Variants in PKIA observed in about 807,000 individuals in gnomAD.
The protein encoded by PKIA is PKI-alpha.
In PKIA, 4 loss-of-function variants were observed where a neutral mutation model predicts 7.6. That is an observed-to-expected ratio of 0.52 (90% CI 0.26 to 1.20). The LOEUF (loss-of-function observed/expected upper bound fraction) is 1.20, where lower values mean the gene tolerates loss of function less well. Ranked by LOEUF, PKIA falls within the 50% of genes most tolerant of loss-of-function variation. PKIA has a pLI of 0.13. For synonymous variants in PKIA, 21 were observed against 30.7 expected (o/e 0.68, Z 1.04); for missense variants, 73 against 86.2 (o/e 0.85, Z 0.61).
intron 2 of PKIA, among the ~76,000 whole-genome samples, chr8:78,581,468 A>C (rs980887329): frequency 1.3e-5 from 2 of 152,098 alleles, no homozygotes; most frequent in African/African-American, 2.4e-5. Context: ...ACTGGGTGGC[A>C]CCTTTTAATC....
chr8:78,534,585 T>C (rs1247299557), intron 1 of PKIA: 3 of 152,112 alleles, frequency 2.0e-5, no homozygotes, highest in Non-Finnish European at 4.4e-5. Context: ...TCACATATAC[T>C]ATTCCAGGTA....
intron 1 of PKIA, among the ~76,000 whole-genome samples, chr8:78,549,396 CG>C (rs949709851): frequency 5.3e-4 from 80 of 151,910 alleles, no homozygotes; most frequent in Middle Eastern, 3.4e-3. Flanking sequence ...GCAAGATGAA[CG>C]TTTTTTTAAC....
chr8:78,546,039 CTGACCTAGCTCA>C (rs1453633466), intron 1 of PKIA, among the ~76,000 whole-genome samples: 1 of 152,192 alleles, frequency 6.6e-6, no homozygotes, highest in Non-Finnish European at 1.5e-5. Flanking sequence ...TTTACAAAAT[CTGACCTAGCTCA>C]CTAGCCACAG....
chr8:78,590,525 C>G (rs898243020), intron 2 of PKIA, among the ~76,000 whole-genome samples: 4 of 151,960 alleles, frequency 2.6e-5, no homozygotes, highest in African/African-American at 9.7e-5. Context: ...ACTAAAACAA[C>G]ATGTTAAGAG....
intron 1 of PKIA, among the ~76,000 whole-genome samples, chr8:78,532,558 T>C (rs113460315): frequency 7.9e-5 from 12 of 151,328 alleles, no homozygotes; most frequent in African/African-American, 2.7e-4. Context: ...CAGATTTAAT[T>C]GAACATTCAC....
intron 1 of PKIA, among the ~76,000 whole-genome samples, chr8:78,531,147 T>C (rs1211514932): frequency 6.6e-6 from 1 of 152,128 alleles, no homozygotes; most frequent in Non-Finnish European, 1.5e-5. Flanking sequence ...CTGTATGAAT[T>C]TTCAGCGGAG....
At chr8:78,547,093 A>G (rs1806841765) in intron 1 of PKIA, among the ~76,000 whole-genome samples, 1 of 151,924 alleles carries the variant, frequency 6.6e-6, no homozygotes, top group Non-Finnish European at 1.5e-5. Flanking sequence ...AAAAACAAAA[A>G]CAGTTTTGTT....
At chr8:78,588,270 C>G (rs187893361) in intron 2 of PKIA, among the ~76,000 whole-genome samples, 1 of 151,960 alleles carries the variant, frequency 6.6e-6, no homozygotes, top group African/African-American at 2.4e-5. Flanking sequence ...CACCTGAGGT[C>G]GGGAGTTTGA....
chr8:78,582,224 T>G (rs1268694136), intron 2 of PKIA, among the ~76,000 whole-genome samples: 1 of 151,518 alleles, frequency 6.6e-6, no homozygotes, highest in Non-Finnish European at 1.5e-5. Flanking sequence ...GATGTTTGTA[T>G]TAGTCCATTC....
intron 1 of PKIA, among the ~76,000 whole-genome samples, chr8:78,559,326 G>T (rs1241653869): frequency 6.6e-6 from 1 of 152,156 alleles, no homozygotes; most frequent in East Asian, 1.9e-4. Flanking sequence ...AGTGGAAAGG[G>T]GTTCCTGGGG....
chr8:78,596,724 T>C (rs1808233811), intron 2 of PKIA, among the ~76,000 whole-genome samples: 1 of 152,208 alleles, frequency 6.6e-6, no homozygotes, highest in African/African-American at 2.4e-5. Context: ...TTGGAGTCTT[T>C]GACATAAATT....
At chr8:78,554,053 A>T (rs1807061410) in intron 1 of PKIA, among the ~76,000 whole-genome samples, 1 of 151,974 alleles carries the variant, frequency 6.6e-6, no homozygotes, top group Admixed American at 6.6e-5. Context: ...AACAAACTTG[A>T]CACCCAGCAA....
chr8:78,567,440 C>T (rs1002000640), intron 1 of PKIA, among the ~76,000 whole-genome samples: 5 of 151,964 alleles, frequency 3.3e-5, no homozygotes, highest in Admixed American at 6.6e-5. Context: ...GTATTTTGTA[C>T]GATGCCCCAC....
intron 1 of PKIA, among the ~76,000 whole-genome samples, chr8:78,572,105 G>T (rs1807563251): frequency 6.6e-6 from 1 of 152,082 alleles, no homozygotes; most frequent in Non-Finnish European, 1.5e-5. Context: ...TATTGTTTCA[G>T]AATCACAGTG....
intron 2 of PKIA, among the ~76,000 whole-genome samples, chr8:78,579,027 G>C (rs1300006864): frequency 6.6e-6 from 1 of 151,824 alleles, no homozygotes; most frequent in Non-Finnish European, 1.5e-5. Flanking sequence ...ATCTCCATTT[G>C]CTCAAGCCAA....
rs894895315 is a variant in PKIA, at chr8:78,603,572, T to C, written c.*1751T>C. 2.0e-5 allele frequency: 3 copies of C among 151,904 alleles called. No individual in the cohort carries two copies. The highest frequency in any genetic ancestry group is 2.9e-5 in the Non-Finnish European group (2 of 67,938). The allele number at this position is 151,904 out of a possible 1,614,324, so 9.4% of individuals were successfully genotyped here. On this transcript the variant is annotated 3_prime_UTR_variant, in exon 4 of 4. Transcript: ENST00000396418. ...TTAAATTTTAGAATGCTTCCTTCTG[T>C]CTAATCCATCAGGGGCCAAAATGCC...
intron 1 of PKIA, among the ~76,000 whole-genome samples, chr8:78,565,371 T>C (rs1048433382): frequency 4.6e-5 from 7 of 152,024 alleles, no homozygotes; most frequent in Admixed American, 6.6e-5. Flanking sequence ...ATCCACATGA[T>C]GAAGCCATGC....
chr8:78,594,685 G>T (rs111435372), intron 2 of PKIA, among the ~76,000 whole-genome samples: 1 of 152,082 alleles, frequency 6.6e-6, no homozygotes, highest in Non-Finnish European at 1.5e-5. Context: ...GAAATGGGGG[G>T]AAATATATTC....
At chr8:78,544,956 A>G (rs1337037737) in intron 1 of PKIA, among the ~76,000 whole-genome samples, 1 of 152,170 alleles carries the variant, frequency 6.6e-6, no homozygotes, top group Admixed American at 6.6e-5. Context: ...AATATGGATT[A>G]TATCCATTAT....
Sources: allele counts gnomAD v4.1 joint callset (sites outside exome capture counted in the v4.1 genomes callset), GRCh38; gene constraint gnomAD v4.1.1; transcripts MANE v1.5; gene names NCBI Gene and HGNC (gene_info 2026-07-23, HGNC 2026-07-21).